PCIF1: variants seen among roughly 807,000 people sequenced by gnomAD.
PCIF1 encodes the protein phosphorylated CTD interacting factor 1, also known as mRNA (2'-O-methyladenosine-N(6)-)-methyltransferase.
A neutral mutation model predicts 86.9 loss-of-function variants in PCIF1; 12 were observed. The observed-to-expected ratio is 0.14, with a 90% CI of 0.09 to 0.22. The LOEUF (loss-of-function observed/expected upper bound fraction) is 0.22. PCIF1 is among the 10% of genes least tolerant of loss of function. The probability of loss-of-function intolerance (pLI) is 1.00; values close to 1 mark genes in which losing one functional copy is unlikely to be tolerated. For missense variants in PCIF1, 701 were observed against 951.1 expected, an observed-to-expected ratio of 0.74 and a Z score of 3.46; for synonymous variants, 397 against 372.0, an observed-to-expected ratio of 1.07 and a Z score of -0.77.
In PCIF1 at chr20:45,945,751, C is replaced by T. The variant is rs1199407694; in HGVS notation, c.1209C>T (p.Tyr403=). 1.9e-6 allele frequency: 3 copies of T among 1,613,964 alleles called. No individual in the cohort carries two copies. Among genetic ancestry groups the T allele is most frequent in the Admixed American group, 3.3e-5 (2 of 60,024 alleles). ...CTGAGGTGGAGCCCCGCCTAGTGTACTGCTACCCAGTCCGGCTGGCTGTGT... is the reference window on the plus strand; with the variant it reads ...CTGAGGTGGAGCCCCGCCTAGTGTATTGCTACCCAGTCCGGCTGGCTGTGT... ...EAPEVEPRLV[Y]CYPVRLAVSA... is the part of the protein sequence containing the mutation. Residue 403 remains tyrosine, a synonymous_variant, in exon 12 of 17, where the codon TAC becomes TAT. Coordinates refer to ENST00000372409, the MANE Select transcript of PCIF1 (RefSeq NM_022104.4).
Position 45,947,225 on chromosome 20 carries a change from G to A in PCIF1, c.1708-38G>A, listed in dbSNP as rs373709760. Reference sequence around the variant, plus strand: ...AGGCAGGATTGCCAGCCACCTGGGAGGTAGTCCCTGACATCCACCCTGTGT... The same window carrying A: ...AGGCAGGATTGCCAGCCACCTGGGAAGTAGTCCCTGACATCCACCCTGTGT... On this transcript the variant is annotated intron_variant, in intron 15 of 16. Coordinates refer to ENST00000372409, the MANE Select transcript of PCIF1 (RefSeq NM_022104.4). The surrounding 1 kb of genome is among the most constrained non-coding windows in gnomAD (Gnocchi z 5.4). The A allele has an allele frequency of 3.4e-5, 55 of 1,600,670 alleles. No homozygotes were observed. The highest frequency in any genetic ancestry group is 4.6e-5 in the Non-Finnish European group (54 of 1,169,916).
At chr20:45,938,246 A>T (rs1413148598) in intron 2 of PCIF1, among the ~76,000 whole-genome samples, 1 of 152,206 alleles carries the variant, frequency 6.6e-6, no homozygotes, top group Non-Finnish European at 1.5e-5. Flanking sequence ...GGAGTCAATT[A>T]GATAGTCCTT....
chr20:45,935,006 C>G (rs1344074838), intron 1 of PCIF1, among the ~76,000 whole-genome samples: 2 of 151,970 alleles, frequency 1.3e-5, no homozygotes, highest in Non-Finnish European at 2.9e-5. Flanking sequence ...AGAGCCCCAG[C>G]GGAGCGGGCT....
At position 45,947,410 on chromosome 20, in the gene PCIF1, C is replaced by T. The variant is rs372047866; in HGVS notation, c.1855C>T (p.Arg619Cys). Residue 619 changes from arginine to cysteine, a missense_variant, in exon 16 of 17, where the codon CGC (arginine) becomes TGC (cysteine). Coordinates refer to ENST00000372409, the MANE Select transcript of PCIF1 (RefSeq NM_022104.4). This position sits in a 1 kb window ranked among gnomAD's most constrained non-coding sequence, Gnocchi z 5.4. ...CCTGCCTGCCTTTGAGCATGAGTAC[C>T]GCAGTGGCTCCCAGCACATCTGCAA... is the stretch of plus-strand genomic sequence containing the variant. ...LILPAFEHEY[R>C]SGSQHICKKE... The T allele has an allele frequency of 4.3e-6, 7 of 1,613,834 alleles. No individual in the cohort carries two copies. Among genetic ancestry groups the T allele is most frequent in the East Asian group, 2.2e-5 (1 of 44,884 alleles).
In PCIF1 at chr20:45,940,594, T is replaced by C; in HGVS notation, c.369T>C (p.Asn123=). 6.2e-7 allele frequency: 1 copy of C among 1,611,608 alleles called. No individual in the cohort carries two copies. Among genetic ancestry groups the C allele is most frequent in the Non-Finnish European group, 8.5e-7 (1 of 1,178,932 alleles). The change falls in exon 5 of 17, where the codon AAT becomes AAC. Residue 123 remains asparagine, a synonymous_variant. Coordinates refer to ENST00000372409, the MANE Select transcript of PCIF1 (RefSeq NM_022104.4). ...RQLSEEQPSG[N]GVKKPKIEIP... ...TCTCGGAAGAGCAGCCAAGCGGCAA[T>C]GGTGTGAAGAAGCCCAAGGTGAGTG...
rs766815352 is a variant in PCIF1 at position 45,940,858 on chromosome 20, G to T, written c.437G>T (p.Ser146Ile). ...PTGQSVPSSPSIPGTPTLKMW... is the reference protein window; with the variant it reads ...PTGQSVPSSPIIPGTPTLKMW... ...GGCCAGTCGGTGCCCAGCTCCCCCA[G>T]TATCCCAGGAACCCCAACGCTGAAG... Residue 146 changes from serine (S) to isoleucine (I), a missense_variant, in exon 6 of 17, where the codon AGT becomes ATT. By Grantham distance (142) the Ser-to-Ile change is moderately radical. Transcript: ENST00000372409. The T allele has an allele frequency of 6.2e-7, 1 of 1,614,160 alleles. No individual in the cohort carries two copies. Among genetic ancestry groups the T allele is most frequent in the South Asian group, 1.1e-5 (1 of 91,076 alleles).
intron 7 of PCIF1, 113 bp downstream of exon 7, chr20:45,941,320 C>T (rs1186412460): frequency 4.9e-6 from 6 of 1,213,836 alleles, no homozygotes; most frequent in African/African-American, 4.6e-5. Context: ...GAGCCATGAT[C>T]ACACCAGTGC....
chr20:45,935,039 G>GCCGCCA, intron 1 of PCIF1, among the ~76,000 whole-genome samples: 1 of 151,918 alleles, frequency 6.6e-6, no homozygotes, highest in East Asian at 1.9e-4. Flanking sequence ...CGCTGCTGCC[G>GCCGCCA]CCGCCACCGC....
Position 45,934,693 on chromosome 20 carries a change from G to A in PCIF1, c.-299G>A, listed in dbSNP as rs769143106. ...CAGCGCATGCGCAGCGCGGAGTCCC[G>A]GCCCGGGACACAAGATGGCGGCAGC... On this transcript the variant is annotated 5_prime_UTR_variant, in exon 1 of 17. Coordinates refer to ENST00000372409, the MANE Select transcript of PCIF1 (RefSeq NM_022104.4). The A allele has an allele frequency of 9.5e-4, 379 of 398,482 alleles. No individual in the cohort carries two copies. Among genetic ancestry groups the A allele is most frequent in the Non-Finnish European group, 1.5e-3 (349 of 225,790 alleles). The allele number at this position is 398,482 out of a possible 1,614,324, so 24.7% of individuals were successfully genotyped here.
At position 45,947,018 on chromosome 20, in the gene PCIF1, T is replaced by C. The variant is rs988931745; in HGVS notation, c.1614-55T>C. On this transcript the variant is annotated intron_variant, in intron 14 of 16. Transcript: ENST00000372409. This position sits in a 1 kb window ranked among gnomAD's most constrained non-coding sequence, Gnocchi z 5.4. ...CTAGGGTTGGGGGGTGGCACCTGTTTCTGGTTGAGGGACTGGGTCCTGATG... is the reference window on the plus strand; with the variant it reads ...CTAGGGTTGGGGGGTGGCACCTGTTCCTGGTTGAGGGACTGGGTCCTGATG... The C allele has an allele frequency of 1.7e-5, 26 of 1,490,210 alleles. No homozygotes were observed. Among genetic ancestry groups the C allele is most frequent in the Non-Finnish European group, 2.3e-5 (25 of 1,087,054 alleles). The allele number at this position is 1,490,210 out of a possible 1,614,324, so 92.3% of individuals were successfully genotyped here.
Position 45,947,186 on chromosome 20 carries a change from G to A in PCIF1, c.1707+20G>A. 3.7e-6 allele frequency: 6 copies of A among 1,607,104 alleles called. No individual in the cohort carries two copies. The highest frequency in any genetic ancestry group is 5.1e-6 in the Non-Finnish European group (6 of 1,174,610). ...TTTGAGGTGGGTGCACTGCCAGGGT[G>A]AGAGGTGGGCAACAGGCAGGATTGC... is the stretch of plus-strand genomic sequence containing the variant. On this transcript the variant is annotated intron_variant, in intron 15 of 16. Transcript: ENST00000372409. This position sits in a 1 kb window ranked among gnomAD's most constrained non-coding sequence, Gnocchi z 5.4.
chr20:45,944,886 C>T lies in PCIF1; in HGVS notation c.1024C>T (p.Arg342Trp), dbSNP rs369406590. 6.2e-7 allele frequency: 1 copy of T among 1,613,740 alleles called. No homozygotes were observed. The highest frequency in any genetic ancestry group is 8.5e-7 in the Non-Finnish European group (1 of 1,179,834). The change falls in exon 11 of 17, where the codon CGG (arginine) becomes TGG (tryptophan). Residue 342 changes from arginine to tryptophan, a missense_variant. Transcript: ENST00000372409. Reference protein sequence around the residue: ...EDYMDRLEHLRRQCGPHVSAA... With the variant: ...EDYMDRLEHLWRQCGPHVSAA... ...CCTCTAGGATCGCCTGGAGCATCTG[C>T]GGAGGCAGTGTGGCCCCCACGTCTC...
intron 1 of PCIF1, among the ~76,000 whole-genome samples, chr20:45,936,353 T>G (rs2083425969): frequency 6.7e-6 from 1 of 149,602 alleles, no homozygotes; most frequent in Non-Finnish European, 1.5e-5. Context: ...TTTTTTTTTT[T>G]TTTTTTTTTG....
intron 1 of PCIF1, among the ~76,000 whole-genome samples, chr20:45,935,314 AGATGGTCCC>A (rs1218758427): frequency 6.6e-6 from 1 of 151,966 alleles, no homozygotes. Flanking sequence ...TACATTGCGG[AGATGGTCCC>A]GCCCCACGTG....
chr20:45,935,954 G>C (rs1009911405), intron 1 of PCIF1, among the ~76,000 whole-genome samples: 10 of 152,178 alleles, frequency 6.6e-5, no homozygotes, highest in Admixed American at 1.3e-4. Flanking sequence ...CATCTACCCG[G>C]TGCATCAATA....
At position 45,939,350 on chromosome 20, in the gene PCIF1, G is replaced by C. The variant is rs746057213; in HGVS notation, c.249+11G>C. On this transcript the variant is annotated intron_variant, in intron 4 of 16. Coordinates refer to ENST00000372409, the MANE Select transcript of PCIF1 (RefSeq NM_022104.4). ...CAGCACGATGTGATTGTGAGTGCCAGCCTAGGGTGGGGGGGTCTCAGAGTG... is the reference window on the plus strand; with the variant it reads ...CAGCACGATGTGATTGTGAGTGCCACCCTAGGGTGGGGGGGTCTCAGAGTG... The C allele has an allele frequency of 6.2e-7, 1 of 1,613,058 alleles. No homozygotes were observed. The highest frequency in any genetic ancestry group is 8.5e-7 in the Non-Finnish European group (1 of 1,179,978).
chr20:45,935,335 C>G (rs138531366), intron 1 of PCIF1, among the ~76,000 whole-genome samples: 259 of 152,354 alleles, frequency 1.7e-3, no homozygotes, highest in Middle Eastern at 6.8e-3. Context: ...CCCCACGTGC[C>G]TCCAATCCCG....
rs1373869401 is a variant in PCIF1, at chr20:45,940,631, G to A, written c.387+19G>A. 2.5e-6 allele frequency: 4 copies of A among 1,592,978 alleles called. No individual in the cohort carries two copies. The African/African-American group carries it at 4.1e-5, about 16-fold the overall frequency. On this transcript the variant is annotated intron_variant, in intron 5 of 16. Coordinates refer to ENST00000372409, the MANE Select transcript of PCIF1 (RefSeq NM_022104.4). ...GCCCAAGGTGAGTGTCTGTGGCCAGGAGCCGGCTGCCGAGCGGCCGGCTCA... is the reference window on the plus strand; with the variant it reads ...GCCCAAGGTGAGTGTCTGTGGCCAGAAGCCGGCTGCCGAGCGGCCGGCTCA...
In PCIF1 at chr20:45,945,849, T is replaced by C; in HGVS notation, c.1307T>C (p.Met436Thr). 1 of 1,613,720 alleles carries C rather than the reference T, an allele frequency of 6.2e-7. No homozygotes were observed. The highest frequency in any genetic ancestry group is 8.5e-7 in the Non-Finnish European group (1 of 1,180,004). ...GTCTGCATCCGGTATAAGGGAGAGA[T>C]GGTCAAGGTCAGCCGCAACTACTTC... ...NVVCIRYKGE[M>T]VKVSRNYFSK... The change falls in exon 12 of 17, where the codon ATG becomes ACG. Residue 436 changes from methionine (M) to threonine (T), a missense_variant. By Grantham distance (81) the Met-to-Thr change is moderately conservative. Around this residue, in one of 7 missense-constraint regions of PCIF1, gnomAD observed 121 missense variants for 131.7 expected, o/e 0.92. Transcript: ENST00000372409.
Sources: allele counts gnomAD v4.1 joint callset (sites outside exome capture counted in the v4.1 genomes callset), GRCh38; gene constraint gnomAD v4.1.1; regional missense constraint gnomAD v4.1.1; non-coding constraint Gnocchi (gnomAD v3.1); transcripts MANE v1.5; gene names NCBI Gene and HGNC (gene_info 2026-07-23, HGNC 2026-07-21).